The following HS6ST3 variants were observed in gnomAD, a reference collection of about 807,000 sequenced individuals.
HS6ST3 encodes heparan sulfate 6-O-sulfotransferase 3.
HS6ST3 carries 12 observed loss-of-function variants against 36.7 expected under a neutral mutation model. That is an observed-to-expected ratio of 0.33 (90% confidence interval 0.21 to 0.53). The LOEUF (loss-of-function observed/expected upper bound fraction) is 0.53. HS6ST3 is among the 20% of genes least tolerant of loss of function. The pLI is 0.95. For missense variants in HS6ST3, 584 were observed against 640.9 expected (o/e 0.91, Z 0.96); for synonymous variants, 240 against 257.5 (o/e 0.93, Z 0.65).
chr13:96,306,126 A>G (rs886754232), intron 1 of HS6ST3, among the ~76,000 whole-genome samples: 42 of 135,792 alleles, frequency 3.1e-4, no homozygotes, highest in African/African-American at 1.1e-3. Context: ...TTTTTTTAAG[A>G]CAGAGTCTCG....
chr13:96,380,008 T>G lies in HS6ST3; in HGVS notation c.707+288439T>G, dbSNP rs1046666034. ...GTTTCTGTGAAATCACATAGTTTTA[T>G]AACTAAAACTGCTTTGAGAGAAAGG... On this transcript the variant is annotated intron_variant, in intron 1 of 1. Transcript: ENST00000376705. 7.9e-5 allele frequency among the ~76,000 whole-genome samples: 12 copies of G among 152,210 alleles called. 1 individual carries two copies. Among genetic ancestry groups the G allele is most frequent in the Non-Finnish European group, 1.5e-5 (1 of 68,028 alleles).
chr13:96,125,903 T>C (rs2053948441), intron 1 of HS6ST3, among the ~76,000 whole-genome samples: 1 of 152,042 alleles, frequency 6.6e-6, no homozygotes, highest in Non-Finnish European at 1.5e-5. Context: ...TAGCATTAGG[T>C]ATATCTCCTA....
intron 1 of HS6ST3, among the ~76,000 whole-genome samples, chr13:96,729,634 A>T (rs1876093507): frequency 2.1e-5 from 3 of 146,328 alleles, no homozygotes; most frequent in South Asian, 4.3e-4. Context: ...TATTTTTTGT[A>T]TTTTTTTTTT....
chr13:96,752,094 A>C (rs7321538), intron 1 of HS6ST3, among the ~76,000 whole-genome samples: 17,844 of 152,104 alleles, frequency 0.12, 1,244 homozygotes, highest in East Asian at 0.21. Flanking sequence ...AAAAGTTTTA[A>C]AAATGCATAT....
Position 96,316,911 on chromosome 13 carries a change from A to T in HS6ST3, c.707+225342A>T, listed in dbSNP as rs151025438. On this transcript the variant is annotated intron_variant, in intron 1 of 1. Transcript: ENST00000376705. ...GTTTGCGTAGAAATGATTTTTGTTT[A>T]TTCTATAAGCGCCTTCCACACTGAA... 3.1e-3 allele frequency among the ~76,000 whole-genome samples: 474 copies of T among 152,258 alleles called. 3 individuals are homozygous for T. The highest frequency in any genetic ancestry group is 0.011 in the African/African-American group (462 of 41,568).
chr13:96,271,091 A>AT (rs1319331363), intron 1 of HS6ST3, among the ~76,000 whole-genome samples: 25 of 151,978 alleles, frequency 1.6e-4, no homozygotes, highest in East Asian at 3.9e-4. Context: ...AGCTGGCTCT[A>AT]TGGGGGGAAG....
At chr13:96,770,614 A>T (rs1288172970) in intron 1 of HS6ST3, among the ~76,000 whole-genome samples, 1 of 152,260 alleles carries the variant, frequency 6.6e-6, no homozygotes, top group East Asian at 1.9e-4. Context: ...GGGAAAAAAA[A>T]CTAGTAGATT....
chr13:96,125,971 C>G (rs1227930271), intron 1 of HS6ST3, among the ~76,000 whole-genome samples: 2 of 152,066 alleles, frequency 1.3e-5, no homozygotes, highest in Non-Finnish European at 2.9e-5. Context: ...TGATGTTCCC[C>G]TTCCTATAAT....
At chr13:96,181,475 G>GT (rs1298372118) in intron 1 of HS6ST3, among the ~76,000 whole-genome samples, 1 of 152,184 alleles carries the variant, frequency 6.6e-6, no homozygotes, top group Non-Finnish European at 1.5e-5. Context: ...GAAAGGAGAG[G>GT]TTTTTTCTGC....
intron 1 of HS6ST3, among the ~76,000 whole-genome samples, chr13:96,347,006 A>G (rs1257363485): frequency 6.6e-6 from 1 of 152,132 alleles, no homozygotes; most frequent in African/African-American, 2.4e-5. Context: ...GCCAACAGCC[A>G]GTGAGAAGCC....
chr13:96,459,100 T>TAAAA (rs747439262), intron 1 of HS6ST3, among the ~76,000 whole-genome samples: 1,046 of 63,818 alleles, frequency 0.016, 117 homozygotes, highest in African/African-American at 0.074. Context: ...CAAGACTGTC[T>TAAAA]AAAAAAAAAA....
At chr13:96,157,501 T>C (rs547435460) in intron 1 of HS6ST3, among the ~76,000 whole-genome samples, 1 of 152,302 alleles carries the variant, frequency 6.6e-6, no homozygotes, top group African/African-American at 2.4e-5. Context: ...AGCAATGAAG[T>C]ATTTGCTCAG....
chr13:96,595,628 C>A (rs1033657498), intron 1 of HS6ST3, among the ~76,000 whole-genome samples: 2 of 151,922 alleles, frequency 1.3e-5, no homozygotes, highest in Non-Finnish European at 2.9e-5. Flanking sequence ...AGCTTTATAG[C>A]CCTTTATCTT....
chr13:96,112,390 G>A (rs2139300809), intron 1 of HS6ST3, among the ~76,000 whole-genome samples: 1 of 151,402 alleles, frequency 6.6e-6, no homozygotes, highest in East Asian at 1.9e-4. Flanking sequence ...AGTGTGTTAA[G>A]GGATAAAAGG....
chr13:96,452,817 C>T (rs2055734702), intron 1 of HS6ST3, among the ~76,000 whole-genome samples: 1 of 151,890 alleles, frequency 6.6e-6, no homozygotes, highest in South Asian at 2.1e-4. Context: ...TTTTTATTTC[C>T]CCCCCAGGGT....
intron 1 of HS6ST3, among the ~76,000 whole-genome samples, chr13:96,782,411 G>A (rs1196388370): frequency 6.6e-6 from 1 of 152,104 alleles, no homozygotes; most frequent in Non-Finnish European, 1.5e-5. Flanking sequence ...TTGCATATGG[G>A]TGTGGCTTGT....
Position 96,645,601 on chromosome 13 carries a change from T to C in HS6ST3, c.708-186889T>C, listed in dbSNP as rs35071073. Reference sequence around the variant, plus strand: ...TATTATAAGCACTTTGGCTAGAGGATTCATACTGTCTGAAAAAAATCAAAC... The same window carrying C: ...TATTATAAGCACTTTGGCTAGAGGACTCATACTGTCTGAAAAAAATCAAAC... On this transcript the variant is annotated intron_variant, in intron 1 of 1. Transcript: ENST00000376705. Among the ~76,000 whole-genome samples, 305 of 151,842 alleles carry C rather than the reference T, an allele frequency of 2.0e-3. 1 individual carries two copies. The highest frequency in any genetic ancestry group is 6.8e-3 in the Middle Eastern group (2 of 294).
At chr13:96,151,366 T>A (rs556989031) in intron 1 of HS6ST3, among the ~76,000 whole-genome samples, 288 of 148,926 alleles carry the variant, frequency 1.9e-3, no homozygotes, top group Middle Eastern at 0.014. Flanking sequence ...ATCCCGCGAC[T>A]GCACTCCAGC....
In HS6ST3 at chr13:96,212,796, G is replaced by A. The variant is rs561363776; in HGVS notation, c.707+121227G>A. On this transcript the variant is annotated intron_variant, in intron 1 of 1. Transcript: ENST00000376705. ...GGCACTGAATCATAGATGTGATATG[G>A]GTTTGCTGCTTCAGTGGTTGAAGAA... Among the ~76,000 whole-genome samples the A allele has an allele frequency of 9.9e-5, 15 of 152,184 alleles. No individual in the cohort carries two copies. In the South Asian group the frequency reaches 3.1e-3, roughly 32 times the overall value.
Sources: allele counts gnomAD v4.1 joint callset (sites outside exome capture counted in the v4.1 genomes callset), GRCh38; gene constraint gnomAD v4.1.1; transcripts MANE v1.5; gene names NCBI Gene and HGNC (gene_info 2026-07-23, HGNC 2026-07-21).